The following TACC2 variants were observed in gnomAD, a reference collection of about 807,000 sequenced individuals.
TACC2 encodes transforming acidic coiled-coil containing protein 2.
Under a neutral mutation model 227.3 loss-of-function variants are expected in TACC2, and 137 were observed. The ratio of observed to expected loss-of-function variants is 0.60; its 90% CI spans 0.52 to 0.69. The LOEUF (loss-of-function observed/expected upper bound fraction) is 0.69, where lower values mean the gene tolerates loss of function less well. Among genes scored for constraint, TACC2 ranks in the 30% least tolerant of loss-of-function variants. TACC2 has a pLI of 0.00. For missense variants in TACC2, 3,470 were observed against 3,694.4 expected (o/e 0.94, Z 1.57); for synonymous variants, 1,523 against 1,487.5 (o/e 1.02, Z -0.55).
At chr10:122,137,092 CT>C (rs1338467286) in intron 6 of TACC2, among the ~76,000 whole-genome samples, 1 of 151,668 alleles carries the variant, frequency 6.6e-6, no homozygotes, top group African/African-American at 2.4e-5. Flanking sequence ...TCGATGCACC[CT>C]TTCTCTATTG....
chr10:122,136,092 A>G (rs2089571814), intron 6 of TACC2, among the ~76,000 whole-genome samples: 1 of 152,224 alleles, frequency 6.6e-6, no homozygotes, highest in Non-Finnish European at 1.5e-5. Context: ...ACATGGAACA[A>G]GGTTATGTTT....
chr10:122,083,633 C>T lies in TACC2; in HGVS notation c.1133C>T (p.Thr378Ile). Residue 378 changes from threonine to isoleucine, a missense_variant, in exon 4 of 23, where the codon ACA becomes ATA. Transcript: ENST00000369005. ...DTIDVQGHPQ[T>I]GMRGTKPNQV... ...ATTGATGTTCAGGGTCACCCACAGA[C>T]AGGGATGCGAGGAACCAAGCCCAAT... is the stretch of plus-strand genomic sequence containing the variant. 3 of 1,611,332 alleles carry T rather than the reference C, an allele frequency of 1.9e-6. No homozygotes were observed. Among genetic ancestry groups the T allele is most frequent in the Non-Finnish European group, 2.5e-6 (3 of 1,180,022 alleles).
intron 11 of TACC2, among the ~76,000 whole-genome samples, chr10:122,217,779 T>C (rs1342981023): frequency 6.6e-6 from 1 of 151,904 alleles, no homozygotes; most frequent in Admixed American, 6.6e-5. Flanking sequence ...AGCTAGCACC[T>C]TTCTTGGGAG....
chr10:121,993,929 C>T (rs1314658414), intron 1 of TACC2, among the ~76,000 whole-genome samples: 2 of 152,164 alleles, frequency 1.3e-5, no homozygotes, highest in African/African-American at 4.8e-5. Context: ...AGCCACCACA[C>T]CCAGCCCCTT....
intron 6 of TACC2, among the ~76,000 whole-genome samples, chr10:122,134,130 A>G (rs1222839426): frequency 6.6e-6 from 1 of 151,966 alleles, no homozygotes; most frequent in Non-Finnish European, 1.5e-5. Context: ...ATGATGTGGA[A>G]ATTTAGACGT....
In TACC2 at chr10:122,084,346, T is replaced by C; in HGVS notation, c.1846T>C (p.Ser616Pro). The C allele has an allele frequency of 6.2e-7, 1 of 1,613,694 alleles. No individual in the cohort carries two copies. Among genetic ancestry groups the C allele is most frequent in the Non-Finnish European group, 8.5e-7 (1 of 1,180,034 alleles). The change falls in exon 4 of 23, where the codon TCA becomes CCA. Residue 616 changes from serine (S) to proline (P), a missense_variant. Ser to Pro is a moderately conservative substitution (Grantham distance 74). Coordinates refer to ENST00000369005, the MANE Select transcript of TACC2 (RefSeq NM_206862.4). Reference sequence around the variant, plus strand: ...TCCAGAAGTAGGCAAAGATGAGCTTTCAAAGCCAAGCAGTGATGCAGAGAG... The same window carrying C: ...TCCAGAAGTAGGCAAAGATGAGCTTCCAAAGCCAAGCAGTGATGCAGAGAG... ...RDPEVGKDEL[S>P]KPSSDAESRD...
At chr10:122,156,170 T>C (rs1162022711) in intron 7 of TACC2, among the ~76,000 whole-genome samples, 1 of 151,220 alleles carries the variant, frequency 6.6e-6, no homozygotes, top group Non-Finnish European at 1.5e-5. Context: ...GACTTCACTC[T>C]GAAAAGAAAT....
At chr10:122,043,534 C>CTTTT (rs761532269) in intron 2 of TACC2, among the ~76,000 whole-genome samples, 1 of 56,498 alleles carries the variant, frequency 1.8e-5, no homozygotes, top group Non-Finnish European at 3.6e-5. Context: ...TTCTTTCTTT[C>CTTTT]TCTCTCTCTC....
At chr10:121,993,985 G>A (rs561878323) in intron 1 of TACC2, among the ~76,000 whole-genome samples, 3 of 152,174 alleles carry the variant, frequency 2.0e-5, no homozygotes, top group Non-Finnish European at 4.4e-5. Flanking sequence ...ACACTGTTCT[G>A]TATCTTAATA....
At chr10:122,139,872 G>A (rs1331067834) in intron 6 of TACC2, among the ~76,000 whole-genome samples, 1 of 152,200 alleles carries the variant, frequency 6.6e-6, no homozygotes, top group Non-Finnish European at 1.5e-5. Context: ...GTGACAGCCT[G>A]GGCCACTCTG....
intron 2 of TACC2, among the ~76,000 whole-genome samples, chr10:122,046,818 A>AG (rs996990472): frequency 6.6e-5 from 10 of 152,146 alleles, no homozygotes; most frequent in African/African-American, 2.2e-4. Flanking sequence ...TGTGATTGAA[A>AG]GGGGGGCCTG....
intron 12 of TACC2, among the ~76,000 whole-genome samples, chr10:122,225,167 C>T (rs1324428811): frequency 3.3e-5 from 5 of 151,740 alleles, no homozygotes; most frequent in Non-Finnish European, 5.9e-5. Context: ...GGCAATAAGC[C>T]TTTCTCCCTG....
chr10:122,033,271 C>A, intron 2 of TACC2: 1 of 545,718 alleles, frequency 1.8e-6, no homozygotes, highest in Non-Finnish European at 3.1e-6. Flanking sequence ...CTCCTCCTCC[C>A]TCTTCCATTG....
chr10:122,155,995 G>T lies in TACC2; in HGVS notation c.5834+12289G>T, dbSNP rs918391707. ...TGGGACTACAGGCGCCCGCCACCAC[G>T]CCCGGCTAATTTTTTGTATTTTTAG... On this transcript the variant is annotated intron_variant, in intron 7 of 22. Coordinates refer to ENST00000369005, the MANE Select transcript of TACC2 (RefSeq NM_206862.4). 5.3e-5 allele frequency among the ~76,000 whole-genome samples: 8 copies of T among 151,442 alleles called. No homozygotes were observed. The South Asian group carries it at 6.3e-4, about 12-fold the overall frequency.
chr10:122,084,491 G>T lies in TACC2; in HGVS notation c.1991G>T (p.Gly664Val), dbSNP rs759104786. The T allele has an allele frequency of 6.2e-7, 1 of 1,613,396 alleles. No homozygotes were observed. Residue 664 changes from glycine (G) to valine (V), a missense_variant, in exon 4 of 23, where the codon GGT becomes GTT. By Grantham distance (109) the Gly-to-Val change is moderately radical (BLOSUM62 -3). This residue lies in a region of TACC2 where 1,924 missense variants were observed against 1,978.3 expected (regional missense o/e 0.97). Coordinates refer to ENST00000369005, the MANE Select transcript of TACC2 (RefSeq NM_206862.4). ...ADASGLPHKLGEEDPVLPPVP... is the reference protein window; with the variant it reads ...ADASGLPHKLVEEDPVLPPVP... ...GCATCTGGCCTACCACACAAGCTGGGTGAGGAGGACCCCGTCCTGCCCCCT... is the reference window on the plus strand; with the variant it reads ...GCATCTGGCCTACCACACAAGCTGGTTGAGGAGGACCCCGTCCTGCCCCCT...
intron 8 of TACC2, among the ~76,000 whole-genome samples, chr10:122,197,078 T>C (rs1455764706): frequency 6.6e-6 from 1 of 150,780 alleles, no homozygotes; most frequent in Non-Finnish European, 1.5e-5. Context: ...CTGCCCAACA[T>C]AGTGAAACCC....
Position 122,194,992 on chromosome 10 carries a change from A to G in TACC2, c.5835-48A>G. Reference sequence around the variant, plus strand: ...GCGAAGGCCACACCGGCTCAGCAGAACTGGCTCTGGGCCCCTGTCTAACCT... The same window carrying G: ...GCGAAGGCCACACCGGCTCAGCAGAGCTGGCTCTGGGCCCCTGTCTAACCT... On this transcript the variant is annotated intron_variant, in intron 7 of 22. Coordinates refer to ENST00000369005, the MANE Select transcript of TACC2 (RefSeq NM_206862.4). This position sits in a 1 kb window ranked among gnomAD's most constrained non-coding sequence, Gnocchi z 4.4. The G allele has an allele frequency of 6.4e-7, 1 of 1,559,994 alleles. No homozygotes were observed. The highest frequency in any genetic ancestry group is 8.7e-7 in the Non-Finnish European group (1 of 1,149,174).
chr10:122,127,018 C>G (rs547977970), intron 5 of TACC2: 36 of 153,070 alleles, frequency 2.4e-4, no homozygotes, highest in African/African-American at 8.4e-4. Context: ...CCCCACAGCA[C>G]TGCCTTGCCT....
chr10:122,132,755 C>G, intron 6 of TACC2, 21 bp downstream of exon 6: 2 of 1,613,480 alleles, frequency 1.2e-6, no homozygotes, highest in South Asian at 1.1e-5. Flanking sequence ...GGCCCTGGAG[C>G]TGGTGATGAG....
Sources: gnomAD v4.1 joint callset for allele counts (sites outside exome capture counted in the v4.1 genomes callset) on GRCh38, gnomAD v4.1.1 for gene constraint, gnomAD v4.1.1 regional missense constraint, Gnocchi (gnomAD v3.1) non-coding constraint, MANE v1.5 for transcripts, NCBI Gene and HGNC (gene_info 2026-07-23, HGNC 2026-07-21) for gene names.